The following AGBL4 variants were observed in gnomAD, a reference collection of about 807,000 sequenced individuals.
AGBL4 encodes the protein AGBL carboxypeptidase 4, also known as cytosolic carboxypeptidase 6.
A neutral mutation model predicts 66.4 loss-of-function variants in AGBL4; 58 were observed. That is an observed-to-expected ratio of 0.87 (90% CI 0.71 to 1.09). The LOEUF (loss-of-function observed/expected upper bound fraction) is 1.09. AGBL4 is among the 50% of genes least tolerant of loss of function. The probability of loss-of-function intolerance (pLI) is 0.00; values close to 1 mark genes in which losing one functional copy is unlikely to be tolerated. For synonymous variants in AGBL4, 234 were observed against 222.9 expected (o/e 1.05, Z -0.44); for missense variants, 579 against 631.0 (o/e 0.92, Z 0.88).
At chr1:48,948,232 G>A (rs930575234) in intron 5 of AGBL4, among the ~76,000 whole-genome samples, 3 of 152,176 alleles carry the variant, frequency 2.0e-5, no homozygotes, top group African/African-American at 7.2e-5. Flanking sequence ...CTCCCTGCCC[G>A]GGTCCAGTGC....
At chr1:49,636,673 T>G (rs1040232739) in intron 3 of AGBL4, among the ~76,000 whole-genome samples, 7 of 151,986 alleles carry the variant, frequency 4.6e-5, no homozygotes, top group Admixed American at 6.6e-5. Flanking sequence ...AATAGAAAAA[T>G]AGGTAATAAA....
At chr1:49,875,571 G>C (rs1318122415) in intron 1 of AGBL4, among the ~76,000 whole-genome samples, 199 of 146,644 alleles carry the variant, frequency 1.4e-3, no homozygotes, top group Middle Eastern at 7.5e-3. Flanking sequence ...GGACATTTGG[G>C]TTGGTTCCAA....
At chr1:48,553,721 A>G (rs1644282151) in intron 11 of AGBL4, among the ~76,000 whole-genome samples, 1 of 152,190 alleles carries the variant, frequency 6.6e-6, no homozygotes, top group Non-Finnish European at 1.5e-5. Context: ...GCATCTTCTA[A>G]AATGTTAAGA....
chr1:49,110,291 A>G (rs1645380412), intron 4 of AGBL4, among the ~76,000 whole-genome samples: 2 of 152,224 alleles, frequency 1.3e-5, no homozygotes, highest in African/African-American at 4.8e-5. Flanking sequence ...CCAAATAATG[A>G]GAAAATCACA....
At chr1:48,769,984 C>T (rs961770351) in intron 6 of AGBL4, among the ~76,000 whole-genome samples, 1 of 152,214 alleles carries the variant, frequency 6.6e-6, no homozygotes, top group South Asian at 2.1e-4. Flanking sequence ...ACCAAACTCT[C>T]CCATAGTGCA....
intron 1 of AGBL4, among the ~76,000 whole-genome samples, chr1:49,901,830 CA>C (rs1649796153): frequency 6.6e-6 from 1 of 152,152 alleles, no homozygotes; most frequent in Admixed American, 6.5e-5. Flanking sequence ...TGTACTGGTA[CA>C]AAAACAGACA....
At chr1:49,445,735 C>T (rs1646139951) in intron 3 of AGBL4, among the ~76,000 whole-genome samples, 1 of 151,984 alleles carries the variant, frequency 6.6e-6, no homozygotes, top group Non-Finnish European at 1.5e-5. Context: ...ATACCTATCT[C>T]TTTGGTAAAT....
chr1:49,152,924 G>C (rs1463234817), intron 4 of AGBL4, among the ~76,000 whole-genome samples: 15 of 152,094 alleles, frequency 9.9e-5, no homozygotes, highest in Non-Finnish European at 2.1e-4. Flanking sequence ...TATCTTCCGA[G>C]ATCATACTGC....
intron 6 of AGBL4, among the ~76,000 whole-genome samples, chr1:48,813,092 C>A (rs1255177572): frequency 6.6e-6 from 1 of 151,904 alleles, no homozygotes; most frequent in Non-Finnish European, 1.5e-5. Flanking sequence ...CACATGTACC[C>A]TAAAACTTAA....
chr1:49,701,228 GATGTAGTAAGCCAAGATGGCGCCACTGCA>G (rs1267826193), intron 2 of AGBL4, among the ~76,000 whole-genome samples: 2 of 151,670 alleles, frequency 1.3e-5, no homozygotes, highest in Non-Finnish European at 2.9e-5. Flanking sequence ...GGAGGTGGAG[GATGTAGTAAGCCAAGATGGCGCCACTGCA>G]CTCCAGCCTG....
chr1:49,844,972 A>G (rs901136483), intron 2 of AGBL4: 3 of 1,382,970 alleles, frequency 2.2e-6, no homozygotes, highest in South Asian at 1.2e-5. Context: ...ACATCAACCA[A>G]TGACTCCTGA....
rs188934503 is a variant in AGBL4 at position 49,883,180 on chromosome 1, C to T, written c.35-31662G>A. Among the ~76,000 whole-genome samples, 33 of 152,204 alleles carry T rather than the reference C, an allele frequency of 2.2e-4. No homozygotes were observed. In the East Asian group the frequency reaches 6.0e-3, roughly 28 times the overall value. ...ATTCATTATATTTGATTTATTAATA[C>T]AACACTACCATATCAATCAACATTT... is the stretch of plus-strand genomic sequence containing the variant. On this transcript the variant is annotated intron_variant, in intron 1 of 13. Transcript: ENST00000371839.
chr1:49,486,534 C>T (rs540717736), intron 3 of AGBL4, among the ~76,000 whole-genome samples: 1 of 152,064 alleles, frequency 6.6e-6, no homozygotes, highest in South Asian at 2.1e-4. Flanking sequence ...TAGCTCTCCT[C>T]ATCCAGTTTT....
intron 3 of AGBL4, among the ~76,000 whole-genome samples, chr1:49,575,154 A>G (rs777207421): frequency 6.6e-6 from 1 of 152,206 alleles, no homozygotes; most frequent in Non-Finnish European, 1.5e-5. Context: ...TTTAGGGACT[A>G]CTGGACAATG....
chr1:49,335,084 A>G (rs1158152629), intron 3 of AGBL4, among the ~76,000 whole-genome samples: 1 of 152,240 alleles, frequency 6.6e-6, no homozygotes, highest in Admixed American at 6.5e-5. Context: ...TCTAATAGGC[A>G]TCTTAGACTT....
chr1:49,386,396 T>C (rs1385493582), intron 3 of AGBL4, among the ~76,000 whole-genome samples: 2 of 151,832 alleles, frequency 1.3e-5, no homozygotes, highest in African/African-American at 4.8e-5. Context: ...TGGAATAAAA[T>C]GTGGATTGAC....
chr1:49,694,960 A>G (rs1646956757), intron 3 of AGBL4, among the ~76,000 whole-genome samples: 1 of 152,172 alleles, frequency 6.6e-6, no homozygotes, highest in Admixed American at 6.5e-5. Flanking sequence ...CCAGGAATTT[A>G]ATGTGACCCA....
At chr1:49,987,811 C>G (rs1053782510) in intron 1 of AGBL4, among the ~76,000 whole-genome samples, 4 of 151,800 alleles carry the variant, frequency 2.6e-5, no homozygotes, top group Non-Finnish European at 5.9e-5. Context: ...GTTTACTGTA[C>G]TAAGTACTTT....
chr1:49,799,338 T>A (rs1644804147), intron 2 of AGBL4, among the ~76,000 whole-genome samples: 1 of 152,160 alleles, frequency 6.6e-6, no homozygotes, highest in South Asian at 2.1e-4. Flanking sequence ...CCAAAATACG[T>A]AAATTTCAGA....
Sources: gnomAD v4.1 joint callset for allele counts (sites outside exome capture counted in the v4.1 genomes callset) on GRCh38, gnomAD v4.1.1 for gene constraint, MANE v1.5 for transcripts, NCBI Gene and HGNC (gene_info 2026-07-23, HGNC 2026-07-21) for gene names.